The following ZDHHC14 variants were observed in gnomAD, a reference collection of about 807,000 sequenced individuals.
The protein encoded by ZDHHC14 is zDHHC palmitoyltransferase 14.
A neutral mutation model predicts 47.7 loss-of-function variants in ZDHHC14; 16 were observed. That is an observed-to-expected ratio of 0.34 (90% CI 0.23 to 0.51). The LOEUF (loss-of-function observed/expected upper bound fraction) is 0.51. Ranked by LOEUF, ZDHHC14 falls within the 20% of genes least tolerant of loss-of-function variation. ZDHHC14 has a pLI of 0.97. For missense variants in ZDHHC14, 515 were observed against 662.5 expected, an observed-to-expected ratio of 0.78 and a Z score of 2.44; for synonymous variants, 293 against 278.9, an observed-to-expected ratio of 1.05 and a Z score of -0.50.
At chr6:157,644,994 CCTCT>C (rs1448564651) in intron 5 of ZDHHC14, among the ~76,000 whole-genome samples, 2 of 152,084 alleles carry the variant, frequency 1.3e-5, no homozygotes, top group Non-Finnish European at 2.9e-5. Flanking sequence ...CTCTTGACTT[CCTCT>C]CTCTCTATGT....
At chr6:157,421,492 C>CAA (rs147380621) in intron 1 of ZDHHC14, among the ~76,000 whole-genome samples, 55 of 56,706 alleles carry the variant, frequency 9.7e-4, no homozygotes, top group Middle Eastern at 0.023. Flanking sequence ...GACTCCGTCT[C>CAA]AAAAAAAAAA....
At chr6:157,664,908 A>G (rs1296254621) in intron 8 of ZDHHC14, among the ~76,000 whole-genome samples, 2 of 152,142 alleles carry the variant, frequency 1.3e-5, no homozygotes, top group Admixed American at 6.5e-5. Context: ...AACGGACCAG[A>G]ACGGCATCCT....
At chr6:157,578,116 T>C (rs1306118491) in intron 2 of ZDHHC14, among the ~76,000 whole-genome samples, 2 of 152,226 alleles carry the variant, frequency 1.3e-5, no homozygotes, top group Non-Finnish European at 2.9e-5. Context: ...ATGCCTAGTT[T>C]GCACATATTT....
chr6:157,607,763 AAAG>A lies in ZDHHC14; in HGVS notation c.565+14620_565+14622del, dbSNP rs1784597064. Among the ~76,000 whole-genome samples the A allele has an allele frequency of 2.0e-5, 3 of 151,838 alleles. No homozygotes were observed. The South Asian group carries it at 6.2e-4, about 32-fold the overall frequency. On this transcript the variant is annotated intron_variant, in intron 3 of 8. Transcript: ENST00000359775. ...ATGCTACCGAGAAATATTGGGAAGAAAAGAACCCTCAGTGTAGTTAAAGAGATT... is the reference window on the plus strand; with the variant it reads ...ATGCTACCGAGAAATATTGGGAAGAAAACCCTCAGTGTAGTTAAAGAGATT...
chr6:157,676,964 T>C lies in ZDHHC14; in HGVS notation c.*3842T>C, dbSNP rs527680944. 6.6e-5 allele frequency: 10 copies of C among 152,294 alleles called. No individual in the cohort carries two copies. The South Asian group carries it at 8.3e-4, about 13-fold the overall frequency. 9.4% of individuals were successfully genotyped at this position (152,294 alleles called of 1,614,324 possible). A position where few individuals can be genotyped will look rare whatever the true frequency, so the allele number is the denominator to read the frequency against. ...CCTTCATCCATCCACAAGAATACAT[T>C]GAGTTCATTTAGTTCTTGACCAGGT... On this transcript the variant is annotated 3_prime_UTR_variant, in exon 9 of 9. Coordinates refer to ENST00000359775, the MANE Select transcript of ZDHHC14 (RefSeq NM_024630.3).
At chr6:157,471,394 TC>T (rs1231092668) in intron 1 of ZDHHC14, among the ~76,000 whole-genome samples, 1 of 151,842 alleles carries the variant, frequency 6.6e-6, no homozygotes, top group African/African-American at 2.4e-5. Flanking sequence ...TGGGCTGGAC[TC>T]CCCCGCCCGC....
At chr6:157,451,502 C>T in intron 1 of ZDHHC14, among the ~76,000 whole-genome samples, 1 of 152,214 alleles carries the variant, frequency 6.6e-6, no homozygotes. Flanking sequence ...CAGTAACCAT[C>T]CACTAATAAA....
chr6:157,551,833 T>C (rs1451211648), intron 2 of ZDHHC14, among the ~76,000 whole-genome samples: 4 of 152,242 alleles, frequency 2.6e-5, no homozygotes, highest in African/African-American at 9.6e-5. Context: ...TATTCCTTAT[T>C]ATTACATATT....
rs1260247005 is a variant in ZDHHC14 at position 157,642,057 on chromosome 6, GA to G, written c.753-3679del. Among the ~76,000 whole-genome samples the G allele has an allele frequency of 6.6e-5, 10 of 151,158 alleles. No homozygotes were observed. The East Asian group carries it at 1.2e-3, about 18-fold the overall frequency. ...AGATAGATAGATAGATAGATAGATA[GA>G]TAGATAGATAGTTATCATGTTGGAA... is the stretch of plus-strand genomic sequence containing the variant. On this transcript the variant is annotated intron_variant, in intron 5 of 8. Transcript: ENST00000359775.
chr6:157,492,200 G>GCC (rs200680158), intron 1 of ZDHHC14, among the ~76,000 whole-genome samples: 3 of 81,138 alleles, frequency 3.7e-5, no homozygotes, highest in African/African-American at 1.6e-4. Context: ...TCCCCCCTCC[G>GCC]CCCCCGCCCC....
At chr6:157,549,548 C>T (rs9456466) in intron 2 of ZDHHC14, among the ~76,000 whole-genome samples, 9,404 of 152,122 alleles carry the variant, frequency 0.062, 1,014 homozygotes, top group African/African-American at 0.21. Flanking sequence ...GGGGAAGTGC[C>T]AGAACCATCT....
intron 2 of ZDHHC14, among the ~76,000 whole-genome samples, chr6:157,571,920 C>A (rs1013452273): frequency 6.6e-6 from 1 of 151,824 alleles, no homozygotes; most frequent in Non-Finnish European, 1.5e-5. Context: ...GTGTGTGCAC[C>A]TACGGCAAGG....
intron 1 of ZDHHC14, among the ~76,000 whole-genome samples, chr6:157,452,591 A>G (rs942959757): frequency 6.6e-6 from 1 of 151,164 alleles, no homozygotes; most frequent in East Asian, 1.9e-4. Flanking sequence ...TGATATCTTA[A>G]TTTTCTATAC....
intron 1 of ZDHHC14, among the ~76,000 whole-genome samples, chr6:157,446,930 C>G (rs1423596298): frequency 8.6e-5 from 13 of 151,774 alleles, no homozygotes; most frequent in Admixed American, 8.5e-4. Flanking sequence ...ACTAGCCTGG[C>G]CAACATGGTG....
intron 1 of ZDHHC14, among the ~76,000 whole-genome samples, chr6:157,475,304 T>C (rs241579): frequency 0.24 from 36,216 of 152,078 alleles, 4,698 homozygotes; most frequent in East Asian, 0.43. Flanking sequence ...AAGCAGGTAA[T>C]GTGATGCCTC....
intron 1 of ZDHHC14, among the ~76,000 whole-genome samples, chr6:157,456,213 A>G (rs1778912805): frequency 1.3e-5 from 2 of 152,168 alleles, no homozygotes; most frequent in Non-Finnish European, 2.9e-5. Context: ...TGACAGAGGT[A>G]CTGGGCTTGG....
intron 1 of ZDHHC14, among the ~76,000 whole-genome samples, chr6:157,398,958 T>C (rs1187741933): frequency 6.6e-6 from 1 of 152,150 alleles, no homozygotes; most frequent in Non-Finnish European, 1.5e-5. Flanking sequence ...CAAAGAAAAA[T>C]GATTTTACTT....
chr6:157,505,817 T>C (rs1780313355), intron 1 of ZDHHC14, among the ~76,000 whole-genome samples: 1 of 152,228 alleles, frequency 6.6e-6, no homozygotes, highest in Non-Finnish European at 1.5e-5. Flanking sequence ...TCTGTAGTCA[T>C]CAGAGTTGAT....
intron 1 of ZDHHC14, among the ~76,000 whole-genome samples, chr6:157,403,732 T>C (rs1777690301): frequency 6.6e-6 from 1 of 152,266 alleles, no homozygotes. Context: ...GCTCATTAGC[T>C]TAGCTTAGTT....
Sources: allele counts gnomAD v4.1 joint callset (sites outside exome capture counted in the v4.1 genomes callset), GRCh38; gene constraint gnomAD v4.1.1; transcripts MANE v1.5; gene names NCBI Gene and HGNC (gene_info 2026-07-23, HGNC 2026-07-21).